AGAP1: variants seen among roughly 807,000 people sequenced by gnomAD.
AGAP1 encodes ArfGAP with GTPase domain, ankyrin repeat and PH domain 1.
AGAP1 carries 29 observed loss-of-function variants against 105.3 expected under a neutral mutation model. The ratio of observed to expected loss-of-function variants is 0.28; its 90% CI spans 0.21 to 0.38. The LOEUF (loss-of-function observed/expected upper bound fraction) is 0.38, where lower values mean the gene tolerates loss of function less well. Among genes scored for constraint, AGAP1 ranks in the 10% least tolerant of loss-of-function variants. The pLI is 1.00. For synonymous variants in AGAP1, 509 were observed against 485.9 expected (o/e 1.05, Z -0.63); for missense variants, 998 against 1,165.1 (o/e 0.86, Z 2.09).
chr2:235,754,090 A>G lies in AGAP1; in HGVS notation c.673+3602A>G, dbSNP rs1307911215. Among the ~76,000 whole-genome samples, 1 of 152,234 alleles carries G rather than the reference A, an allele frequency of 6.6e-6. No homozygotes were observed. Among genetic ancestry groups the G allele is most frequent in the Admixed American group, 6.5e-5 (1 of 15,292 alleles). On this transcript the variant is annotated intron_variant, in intron 6 of 17. Coordinates refer to ENST00000304032, the MANE Select transcript of AGAP1 (RefSeq NM_001037131.3). The surrounding 1 kb of genome is among the most constrained non-coding windows in gnomAD (Gnocchi z 4.6). ...GACATAGCTTGACCCAAAGGGACAC[A>G]GCCTGGACTGGATCCCCCATCTTGG... is the stretch of plus-strand genomic sequence containing the variant.
intron 9 of AGAP1, among the ~76,000 whole-genome samples, chr2:235,841,319 C>T (rs937534041): frequency 2.6e-5 from 4 of 152,124 alleles, no homozygotes; most frequent in East Asian, 3.9e-4. Context: ...CTAGAGTAGA[C>T]GTACATTTGA....
In AGAP1 at chr2:235,989,309, G is replaced by T. The variant is rs2055457052; in HGVS notation, c.1645+20686G>T. 6.6e-6 allele frequency among the ~76,000 whole-genome samples: 1 copy of T among 152,154 alleles called. No homozygotes were observed. Among genetic ancestry groups the T allele is most frequent in the Non-Finnish European group, 1.5e-5 (1 of 68,038 alleles). On this transcript the variant is annotated intron_variant, in intron 13 of 17. Coordinates refer to ENST00000304032, the MANE Select transcript of AGAP1 (RefSeq NM_001037131.3). The surrounding 1 kb of genome is among the most constrained non-coding windows in gnomAD (Gnocchi z 4.4). ...CTTCACCCAGCTCCTCTGCCCATCT[G>T]GTGACTTTGCAAGCTCACAATGTCC...
At chr2:235,844,813 A>T (rs1000284592) in intron 9 of AGAP1, among the ~76,000 whole-genome samples, 1 of 152,108 alleles carries the variant, frequency 6.6e-6, no homozygotes, top group African/African-American at 2.4e-5. Context: ...GCCCCCTCAG[A>T]AGTCTTCCTG....
chr2:235,571,979 C>T (rs1944537827), intron 1 of AGAP1, among the ~76,000 whole-genome samples: 1 of 85,518 alleles, frequency 1.2e-5, no homozygotes, highest in African/African-American at 6.4e-5. Context: ...TATGTATACA[C>T]ACACACACAC....
chr2:236,036,547 ACT>A lies in AGAP1; in HGVS notation c.1646-11_1646-10del. 2 of 1,613,288 alleles carry A rather than the reference ACT, an allele frequency of 1.2e-6. No homozygotes were observed. The highest frequency in any genetic ancestry group is 1.7e-6 in the Non-Finnish European group (2 of 1,179,586). On this transcript the variant is annotated splice_polypyrimidine_tract_variant and intron_variant, in intron 13 of 17. Transcript: ENST00000304032. The surrounding 1 kb of genome is among the most constrained non-coding windows in gnomAD (Gnocchi z 5.7). ...ATAAAAGCTAAACTCTTCATCCCAC[ACT>A]CTGTGTTTCAGAACAAGAAGAAAAT...
chr2:236,047,598 C>CTTTTTTTTTTTTTTTTTTTT (rs59007077), intron 15 of AGAP1, among the ~76,000 whole-genome samples: 1 of 68,286 alleles, frequency 1.5e-5, no homozygotes, highest in Non-Finnish European at 2.5e-5. Flanking sequence ...TCTCACATTT[C>CTTTTTTTTTTTTTTTTTTTT]TTTTTTTTTT....
At chr2:235,966,032 C>A (rs1185967088) in intron 12 of AGAP1, among the ~76,000 whole-genome samples, 1 of 127,078 alleles carries the variant, frequency 7.9e-6, no homozygotes, top group African/African-American at 3.1e-5. Context: ...GAGAGGGGAG[C>A]CTTTTCCTCT....
intron 16 of AGAP1, among the ~76,000 whole-genome samples, chr2:236,117,456 G>A (rs1218160101): frequency 1.3e-5 from 2 of 152,172 alleles, no homozygotes; most frequent in Non-Finnish European, 2.9e-5. Context: ...CTGACACAGC[G>A]AAGGGTTCAG....
In AGAP1 at chr2:235,709,209, T is replaced by A; in HGVS notation, c.194T>A (p.Leu65Gln). The A allele has an allele frequency of 6.2e-7, 1 of 1,614,122 alleles. No homozygotes were observed. Among genetic ancestry groups the A allele is most frequent in the Non-Finnish European group, 8.5e-7 (1 of 1,180,014 alleles). Residue 65 changes from leucine to glutamine, a missense_variant, in exon 2 of 18, where the codon CTG becomes CAG. Coordinates refer to ENST00000304032, the MANE Select transcript of AGAP1 (RefSeq NM_001037131.3). ...DAFVNSQEWT[L>Q]SRSVPELKVG... ...TTCGTGAACAGCCAGGAATGGACGC[T>A]GAGTCGATCTGTCCCGGAGCTCAAA...
At chr2:235,829,219 T>C (rs12463421) in intron 9 of AGAP1, among the ~76,000 whole-genome samples, 71,638 of 152,112 alleles carry the variant, frequency 0.47, 19,050 homozygotes, top group East Asian at 0.8. Context: ...CCCCTGGCCT[T>C]GTTGTTAGAT....
intron 1 of AGAP1, among the ~76,000 whole-genome samples, chr2:235,654,943 A>G (rs1376491711): frequency 3.9e-5 from 6 of 152,232 alleles, no homozygotes; most frequent in Non-Finnish European, 8.8e-5. Context: ...CTTTGTCACC[A>G]TGATTTGCAT....
rs1036756122 is a variant in AGAP1 at position 236,040,539 on chromosome 2, G to A, written c.1801-212G>A. 4 of 406,440 alleles carry A rather than the reference G, an allele frequency of 9.8e-6. No individual in the cohort carries two copies. The highest frequency in any genetic ancestry group is 6.2e-5 in the African/African-American group (3 of 48,562). 25.2% of individuals were successfully genotyped at this position (406,440 alleles called of 1,614,324 possible). A position where few individuals can be genotyped will look rare whatever the true frequency, so the allele number is the denominator to read the frequency against. On this transcript the variant is annotated intron_variant, in intron 14 of 17. Coordinates refer to ENST00000304032, the MANE Select transcript of AGAP1 (RefSeq NM_001037131.3). The surrounding 1 kb of genome is among the most constrained non-coding windows in gnomAD (Gnocchi z 5.6). ...TCCGTCTCAGCTGATGAGTTAAAAT[G>A]TGACATTTCCTCCCTCCCCCCGCCC...
chr2:235,826,506 G>A (rs930139976), intron 9 of AGAP1, among the ~76,000 whole-genome samples: 18 of 151,984 alleles, frequency 1.2e-4, no homozygotes, highest in East Asian at 1.9e-4. Context: ...CTGGAGTGCA[G>A]TGGCACGATC....
chr2:235,672,968 T>C (rs979883572), intron 1 of AGAP1, among the ~76,000 whole-genome samples: 9 of 152,214 alleles, frequency 5.9e-5, no homozygotes, highest in Non-Finnish European at 8.8e-5. Context: ...AGACATGATA[T>C]TACCAGCATT....
chr2:236,084,783 A>G (rs2058880496), intron 16 of AGAP1, among the ~76,000 whole-genome samples: 1 of 152,082 alleles, frequency 6.6e-6, no homozygotes, highest in Admixed American at 6.6e-5. Context: ...GGGCGCCTGT[A>G]GTCCCAGCTA....
At chr2:236,022,163 C>G (rs1426834679) in intron 13 of AGAP1, among the ~76,000 whole-genome samples, 1 of 151,632 alleles carries the variant, frequency 6.6e-6, no homozygotes, top group Non-Finnish European at 1.5e-5. Context: ...GCTATCCCAG[C>G]TCTTTATAAT....
rs1290478476 is a variant in AGAP1 at position 235,994,169 on chromosome 2, T to C, written c.1645+25546T>C. On this transcript the variant is annotated intron_variant, in intron 13 of 17. Coordinates refer to ENST00000304032, the MANE Select transcript of AGAP1 (RefSeq NM_001037131.3). This position sits in a 1 kb window ranked among gnomAD's most constrained non-coding sequence, Gnocchi z 4.4. ...CAAAGCTTCATAACATGGTTCCATA[T>C]GTGTCCTTTTTAAGAGTCTTGTCGT... Among the ~76,000 whole-genome samples the C allele has an allele frequency of 2.6e-5, 4 of 152,290 alleles. No individual in the cohort carries two copies. In the East Asian group the frequency reaches 7.7e-4, roughly 29 times the overall value.
intron 1 of AGAP1, among the ~76,000 whole-genome samples, chr2:235,542,503 C>T (rs1472183783): frequency 1.3e-5 from 2 of 152,178 alleles, no homozygotes; most frequent in African/African-American, 2.4e-5. Flanking sequence ...CTGATAATAC[C>T]TATTCATTGT....
chr2:235,945,298 G>C (rs184839995), intron 12 of AGAP1, among the ~76,000 whole-genome samples: 15 of 152,006 alleles, frequency 9.9e-5, no homozygotes, highest in Non-Finnish European at 1.6e-4. Flanking sequence ...GTTGGGGGGG[G>C]GTTCACCGTG....
Sources: gnomAD v4.1 joint callset for allele counts (sites outside exome capture counted in the v4.1 genomes callset) on GRCh38, gnomAD v4.1.1 for gene constraint, Gnocchi (gnomAD v3.1) non-coding constraint, MANE v1.5 for transcripts, NCBI Gene and HGNC (gene_info 2026-07-23, HGNC 2026-07-21) for gene names.